GLT1D1: variants seen among roughly 807,000 people sequenced by gnomAD.
GLT1D1 encodes the protein glycosyltransferase 1 domain-containing protein 1.
Under a neutral mutation model 28.7 loss-of-function variants are expected in GLT1D1, and 21 were observed. The observed-to-expected ratio is 0.73, with a 90% CI of 0.52 to 1.05. GLT1D1 has a LOEUF of 1.05. Among genes scored for constraint, GLT1D1 ranks in the 50% least tolerant of loss-of-function variants. The pLI, the probability that GLT1D1 is intolerant of heterozygous loss-of-function variation, is 0.00. For missense variants in GLT1D1, 343 were observed against 330.6 expected, an observed-to-expected ratio of 1.04 and a Z score of -0.29; for synonymous variants, 147 against 124.8, an observed-to-expected ratio of 1.18 and a Z score of -1.19.
intron 7 of GLT1D1, among the ~76,000 whole-genome samples, chr12:128,961,576 C>T (rs560429155): frequency 1.8e-4 from 27 of 152,310 alleles, no homozygotes; most frequent in African/African-American, 6.3e-4. Flanking sequence ...CGATGACTAT[C>T]GCACATTCTT....
At chr12:128,943,907 CT>C (rs1034486087) in intron 4 of GLT1D1, among the ~76,000 whole-genome samples, 6 of 152,068 alleles carry the variant, frequency 3.9e-5, no homozygotes, top group African/African-American at 1.4e-4. Context: ...TGACATGTAA[CT>C]TTTTTTTAAC....
chr12:128,974,160 G>C (rs1295068130), intron 7 of GLT1D1, among the ~76,000 whole-genome samples: 2 of 152,108 alleles, frequency 1.3e-5, no homozygotes, highest in Admixed American at 6.5e-5. Context: ...TTCCTTTTCT[G>C]CAATTTCAAA....
intron 5 of GLT1D1, 127 bp downstream of exon 9, chr12:128,945,496 T>C (rs538083929): frequency 2.4e-6 from 2 of 819,750 alleles, no homozygotes; most frequent in Admixed American, 3.7e-5. Flanking sequence ...TCCTCATGCA[T>C]CTTCCCGGCG....
At chr12:128,931,119 A>C (rs1873826272) in intron 4 of GLT1D1, among the ~76,000 whole-genome samples, 1 of 151,134 alleles carries the variant, frequency 6.6e-6, no homozygotes, top group African/African-American at 2.4e-5. Context: ...CTCCTGCCTC[A>C]GACTCCTTAG....
chr12:128,863,134 C>T (rs779150199), intron 1 of GLT1D1, among the ~76,000 whole-genome samples: 8 of 152,082 alleles, frequency 5.3e-5, no homozygotes, highest in Non-Finnish European at 7.4e-5. Flanking sequence ...CCCAGAGACA[C>T]GAGAGACTGG....
intron 4 of GLT1D1, among the ~76,000 whole-genome samples, chr12:128,923,395 C>T (rs529874689): frequency 7.2e-5 from 11 of 152,312 alleles, no homozygotes; most frequent in African/African-American, 2.2e-4. Context: ...CCGCAGGATG[C>T]ACCACCTGCT....
intron 1 of GLT1D1, among the ~76,000 whole-genome samples, chr12:128,869,844 C>T (rs1956638353): frequency 6.6e-6 from 1 of 152,062 alleles, no homozygotes; most frequent in Non-Finnish European, 1.5e-5. Flanking sequence ...TCTCAATTGA[C>T]ATTTGAGTTC....
At chr12:128,968,436 T>C (rs564058784) in intron 7 of GLT1D1, among the ~76,000 whole-genome samples, 3 of 151,728 alleles carry the variant, frequency 2.0e-5, no homozygotes, top group African/African-American at 7.2e-5. Context: ...TTTGGGAGGC[T>C]GAGGCAGGTG....
chr12:128,906,642 T>A (rs1870896567), intron 4 of GLT1D1, among the ~76,000 whole-genome samples: 1 of 152,140 alleles, frequency 6.6e-6, no homozygotes, highest in Non-Finnish European at 1.5e-5. Context: ...AAGCACAGTG[T>A]CATTCATAAT....
chr12:128,901,189 T>G (rs961245698), intron 4 of GLT1D1, among the ~76,000 whole-genome samples: 1 of 152,226 alleles, frequency 6.6e-6, no homozygotes, highest in Non-Finnish European at 1.5e-5. Flanking sequence ...CGCTGATTAG[T>G]CACCACCACC....
chr12:128,975,649 A>G (rs675730), intron 7 of GLT1D1, among the ~76,000 whole-genome samples: 80,421 of 151,742 alleles, frequency 0.53, 21,545 homozygotes, highest in Admixed American at 0.63. Context: ...ACAGGGTTTC[A>G]CCATGTTGGC....
At chr12:128,917,641 A>G (rs546499370) in intron 4 of GLT1D1, among the ~76,000 whole-genome samples, 1 of 152,348 alleles carries the variant, frequency 6.6e-6, no homozygotes, top group East Asian at 1.9e-4. Context: ...CTCAGCAAAC[A>G]GAAAGACACC....
At chr12:128,970,509 T>G (rs1050616377) in intron 7 of GLT1D1, among the ~76,000 whole-genome samples, 1 of 152,192 alleles carries the variant, frequency 6.6e-6, no homozygotes, top group African/African-American at 2.4e-5. Context: ...CAAAGTCCGC[T>G]TCTATCCACT....
intron 3 of GLT1D1, among the ~76,000 whole-genome samples, chr12:128,890,878 A>G (rs997501003): frequency 1.1e-4 from 17 of 152,352 alleles, no homozygotes; most frequent in African/African-American, 3.6e-4. Flanking sequence ...CTGTGCCTGT[A>G]GTTCCAGCTA....
intron 7 of GLT1D1, among the ~76,000 whole-genome samples, chr12:128,981,119 T>C (rs1398631527): frequency 1.3e-5 from 2 of 152,238 alleles, no homozygotes; most frequent in African/African-American, 4.8e-5. Flanking sequence ...CTTTCCTTTC[T>C]TTCTGCCACT....
intron 4 of GLT1D1, among the ~76,000 whole-genome samples, chr12:128,931,047 G>T (rs1271755455): frequency 1.3e-5 from 2 of 151,066 alleles, no homozygotes; most frequent in Non-Finnish European, 2.9e-5. Context: ...TGCCGCCCAG[G>T]CTGGAGCGCA....
intron 4 of GLT1D1, among the ~76,000 whole-genome samples, chr12:128,917,626 C>G (rs1322704235): frequency 6.6e-6 from 1 of 152,200 alleles, no homozygotes; most frequent in Non-Finnish European, 1.5e-5. Flanking sequence ...AATCAATTCT[C>G]TGCCCTCAGC....
rs147986903 is a variant in GLT1D1, at chr12:128,936,371, G to A, written c.376-8955G>A. ...GGGTTTCACCGTGTTAGCCAGGATG[G>A]TCTCGATCCCCTGAACTGGTGATCC... On this transcript the variant is annotated intron_variant, in intron 4 of 7. Coordinates refer to ENST00000281703, the MANE Select transcript of GLT1D1 (RefSeq NM_144669.3). 8.1e-3 allele frequency among the ~76,000 whole-genome samples: 1,233 copies of A among 152,210 alleles called. 21 individuals carry two copies. Among genetic ancestry groups the A allele is most frequent in the African/African-American group, 0.028 (1,178 of 41,540 alleles).
chr12:128,930,833 T>G (rs184185164), intron 4 of GLT1D1, among the ~76,000 whole-genome samples: 9 of 152,336 alleles, frequency 5.9e-5, no homozygotes, highest in Admixed American at 5.9e-4. Context: ...CTGTCCTCTT[T>G]AACTCAGCTG....
Sources: gnomAD v4.1 joint callset for allele counts (sites outside exome capture counted in the v4.1 genomes callset) on GRCh38, gnomAD v4.1.1 for gene constraint, MANE v1.5 for transcripts, NCBI Gene and HGNC (gene_info 2026-07-23, HGNC 2026-07-21) for gene names.